PTPRD: variants seen among roughly 807,000 people sequenced by gnomAD.
PTPRD encodes the protein receptor-type tyrosine-protein phosphatase delta.
In PTPRD, 34 loss-of-function variants were observed where a neutral mutation model predicts 214.5. The observed-to-expected ratio is 0.16, with a 90% CI of 0.12 to 0.21. PTPRD has a LOEUF of 0.21. PTPRD is among the 10% of genes least tolerant of loss of function. The pLI is 1.00. For missense variants in PTPRD, 2,545 were observed against 2,398.7 expected (o/e 1.06, Z -1.27); for synonymous variants, 1,128 against 845.7 (o/e 1.33, Z -5.79).
intron 12 of PTPRD, among the ~76,000 whole-genome samples, chr9:8,659,645 T>C (rs1285276105): frequency 6.6e-6 from 1 of 152,134 alleles, no homozygotes; most frequent in Non-Finnish European, 1.5e-5. Flanking sequence ...AAGAAGAGGG[T>C]ACAGAAGTAA....
At chr9:8,473,533 G>C (rs867918925) in intron 30 of PTPRD, among the ~76,000 whole-genome samples, 6 of 152,244 alleles carry the variant, frequency 3.9e-5, no homozygotes, top group Middle Eastern at 3.4e-3. Context: ...ACTTCTCAAA[G>C]TCAGAAGAGC....
intron 11 of PTPRD, among the ~76,000 whole-genome samples, chr9:8,799,698 T>G (rs1274757607): frequency 6.6e-6 from 1 of 152,200 alleles, no homozygotes; most frequent in Non-Finnish European, 1.5e-5. Flanking sequence ...CAGGTTCAAT[T>G]AACTTTTCTT....
At chr9:8,430,343 C>A (rs1212447798) in intron 35 of PTPRD, among the ~76,000 whole-genome samples, 1 of 151,914 alleles carries the variant, frequency 6.6e-6, no homozygotes, top group Non-Finnish European at 1.5e-5. Context: ...GATCTCAGCT[C>A]ACTGCAGACT....
chr9:9,061,957 C>T (rs989977640), intron 10 of PTPRD, among the ~76,000 whole-genome samples: 2 of 152,096 alleles, frequency 1.3e-5, no homozygotes, highest in African/African-American at 4.8e-5. Context: ...CCACCAAGAA[C>T]CGACTGTGGG....
rs1331469760 is a variant in PTPRD, at chr9:9,532,926, T to G, written c.-237+41806A>C. On this transcript the variant is annotated intron_variant, in intron 8 of 45. Coordinates refer to ENST00000381196, the MANE Select transcript of PTPRD (RefSeq NM_002839.4). ...GGCCATTGTGGACTATTTAAAAATT[T>G]TGGTTTTACCACATTCATTCCTTCA... Among the ~76,000 whole-genome samples, 4 of 152,262 alleles carry G rather than the reference T, an allele frequency of 2.6e-5. No homozygotes were observed. The South Asian group carries it at 6.2e-4, about 24-fold the overall frequency.
chr9:9,477,881 A>G (rs1031750398), intron 8 of PTPRD, among the ~76,000 whole-genome samples: 3 of 152,180 alleles, frequency 2.0e-5, no homozygotes, highest in Admixed American at 2.0e-4. Context: ...TTGATTCTCA[A>G]ATTGAATTTT....
At chr9:10,212,135 C>T (rs144857461) in intron 3 of PTPRD, among the ~76,000 whole-genome samples, 1 of 152,032 alleles carries the variant, frequency 6.6e-6, no homozygotes, top group Non-Finnish European at 1.5e-5. Flanking sequence ...CTCTCAGTGA[C>T]AACTTCAGAG....
intron 5 of PTPRD, among the ~76,000 whole-genome samples, chr9:9,884,380 T>C (rs1470812338): frequency 6.6e-6 from 1 of 152,134 alleles, no homozygotes; most frequent in Admixed American, 6.6e-5. Context: ...TCAGTGTACA[T>C]GTAAGTCAGG....
chr9:9,012,140 T>A (rs2099514409), intron 11 of PTPRD, among the ~76,000 whole-genome samples: 2 of 151,986 alleles, frequency 1.3e-5, no homozygotes, highest in South Asian at 4.1e-4. Flanking sequence ...GAGAGTAGCC[T>A]CTAGCCAACA....
intron 3 of PTPRD, among the ~76,000 whole-genome samples, chr9:10,180,227 G>A (rs1221389947): frequency 6.6e-6 from 1 of 151,832 alleles, no homozygotes; most frequent in South Asian, 2.1e-4. Flanking sequence ...TCACATAAAG[G>A]GAAATTCAAG....
At chr9:10,264,320 A>C (rs1344583169) in intron 3 of PTPRD, among the ~76,000 whole-genome samples, 1 of 152,128 alleles carries the variant, frequency 6.6e-6, no homozygotes, top group East Asian at 1.9e-4. Flanking sequence ...GGTCACAGAC[A>C]CTCAATGGCA....
chr9:8,961,863 C>A (rs2099160580), intron 11 of PTPRD, among the ~76,000 whole-genome samples: 1 of 152,018 alleles, frequency 6.6e-6, no homozygotes, highest in Non-Finnish European at 1.5e-5. Flanking sequence ...AGAAAACATT[C>A]ACTCACCATG....
chr9:9,057,388 T>G (rs532218114), intron 10 of PTPRD, among the ~76,000 whole-genome samples: 104 of 152,302 alleles, frequency 6.8e-4, no homozygotes, highest in Non-Finnish European at 1.2e-3. Context: ...ATCTCCATTT[T>G]ATCATAATGT....
chr9:9,077,684 T>C (rs1569531240), intron 10 of PTPRD, among the ~76,000 whole-genome samples: 1 of 152,050 alleles, frequency 6.6e-6, no homozygotes, highest in East Asian at 1.9e-4. Flanking sequence ...CCTTGTGAAA[T>C]ATCACTTTAC....
At chr9:8,343,149 A>AT (rs34933091) in intron 39 of PTPRD, among the ~76,000 whole-genome samples, 10 of 151,272 alleles carry the variant, frequency 6.6e-5, no homozygotes, top group South Asian at 2.1e-4. Context: ...GTAAGAGATC[A>AT]TTTTTTTTTT....
chr9:9,043,232 T>C (rs1434111218), intron 10 of PTPRD, among the ~76,000 whole-genome samples: 1 of 152,198 alleles, frequency 6.6e-6, no homozygotes, highest in Admixed American at 6.5e-5. Flanking sequence ...GAAAACTTAA[T>C]TAGTACATCT....
At chr9:8,455,814 G>C (rs2096175004) in intron 33 of PTPRD, among the ~76,000 whole-genome samples, 1 of 152,152 alleles carries the variant, frequency 6.6e-6, no homozygotes, top group Non-Finnish European at 1.5e-5. Flanking sequence ...ATCAGTTGTA[G>C]AAAAATCTAT....
At chr9:9,336,041 T>C (rs928995564) in intron 9 of PTPRD, among the ~76,000 whole-genome samples, 15 of 152,072 alleles carry the variant, frequency 9.9e-5, no homozygotes, top group Non-Finnish European at 2.1e-4. Context: ...AAAAAGATGT[T>C]AAAAAGAATA....
intron 45 of PTPRD, among the ~76,000 whole-genome samples, chr9:8,319,499 T>G (rs1032691986): frequency 6.6e-6 from 1 of 151,886 alleles, no homozygotes; most frequent in Non-Finnish European, 1.5e-5. Flanking sequence ...CTAAATATTA[T>G]GCTTTCTATA....
Sources: allele counts gnomAD v4.1 joint callset (sites outside exome capture counted in the v4.1 genomes callset), GRCh38; gene constraint gnomAD v4.1.1; transcripts MANE v1.5; gene names NCBI Gene and HGNC (gene_info 2026-07-23, HGNC 2026-07-21).